CATSPERB: variants seen among roughly 807,000 people sequenced by gnomAD.
The protein encoded by CATSPERB is cation channel sperm-associated auxiliary subunit beta.
Under a neutral mutation model 128.3 loss-of-function variants are expected in CATSPERB, and 93 were observed. That is an observed-to-expected ratio of 0.72 (90% CI 0.61 to 0.86). The LOEUF (loss-of-function observed/expected upper bound fraction) is 0.86, where lower values mean the gene tolerates loss of function less well. CATSPERB is among the 40% of genes least tolerant of loss of function. The pLI is 0.00. For synonymous variants in CATSPERB, 381 were observed against 448.8 expected, an observed-to-expected ratio of 0.85 and a Z score of 1.91; for missense variants, 1,153 against 1,329.5, an observed-to-expected ratio of 0.87 and a Z score of 2.06.
At chr14:91,663,825 T>A (rs1894930854) in intron 14 of CATSPERB, among the ~76,000 whole-genome samples, 1 of 152,178 alleles carries the variant, frequency 6.6e-6, no homozygotes, top group Non-Finnish European at 1.5e-5. Context: ...TTATCCATTA[T>A]TAAGCATACA....
chr14:91,689,337 G>A (rs986047948), intron 10 of CATSPERB, among the ~76,000 whole-genome samples: 1 of 152,160 alleles, frequency 6.6e-6, no homozygotes, highest in African/African-American at 2.4e-5. Flanking sequence ...CCATGAGTGA[G>A]GTAACGACAT....
chr14:91,584,143 A>C (rs1473159526), intron 26 of CATSPERB, among the ~76,000 whole-genome samples: 2 of 151,898 alleles, frequency 1.3e-5, no homozygotes. Context: ...ATCTTGGCTC[A>C]CTGCAATCTC....
chr14:91,599,454 G>C (rs1185574710), intron 22 of CATSPERB, among the ~76,000 whole-genome samples: 1 of 150,704 alleles, frequency 6.6e-6, no homozygotes, highest in African/African-American at 2.4e-5. Context: ...AGCTACTTGG[G>C]AGGCTGAGGC....
At chr14:91,653,154 A>AAC (rs1288940948) in intron 15 of CATSPERB, among the ~76,000 whole-genome samples, 1 of 152,236 alleles carries the variant, frequency 6.6e-6, no homozygotes, top group African/African-American at 2.4e-5. Context: ...TCAGAGACTG[A>AAC]AGATCAGAAG....
rs931010997 is a variant in CATSPERB, at chr14:91,716,817, A to G, written c.370+2601T>C. Among the ~76,000 whole-genome samples the G allele has an allele frequency of 7.2e-5, 11 of 152,170 alleles. No homozygotes were observed. In the East Asian group the frequency reaches 1.9e-3, roughly 27 times the overall value. On this transcript the variant is annotated intron_variant, in intron 5 of 26. Coordinates refer to ENST00000256343, the MANE Select transcript of CATSPERB (RefSeq NM_024764.4). ...CCTGGTGGTCAGAATGCAAAATGATAAAGCCACTTTGGGAAATCGTTTGAC... is the reference window on the plus strand; with the variant it reads ...CCTGGTGGTCAGAATGCAAAATGATGAAGCCACTTTGGGAAATCGTTTGAC...
intron 20 of CATSPERB, among the ~76,000 whole-genome samples, chr14:91,614,040 T>A (rs1743149): frequency 2.4e-4 from 36 of 152,110 alleles, no homozygotes; most frequent in Non-Finnish European, 4.1e-4. Context: ...CAGCTCTGAG[T>A]GTATTGTTGC....
intron 22 of CATSPERB, chr14:91,603,488 G>T: frequency 1.7e-6 from 2 of 1,189,714 alleles, no homozygotes; most frequent in Non-Finnish European, 2.5e-6. Flanking sequence ...GTCTTAAAGT[G>T]TGGGCAAAAC....
chr14:91,623,310 C>G (rs1894090741), intron 18 of CATSPERB, among the ~76,000 whole-genome samples: 1 of 152,120 alleles, frequency 6.6e-6, no homozygotes, highest in Non-Finnish European at 1.5e-5. Context: ...AAACACCTTC[C>G]TCACCTGGTT....
At chr14:91,621,494 T>A in intron 19 of CATSPERB, 114 bp downstream of exon 19, 1 of 791,810 alleles carries the variant, frequency 1.3e-6, no homozygotes, top group Non-Finnish European at 2.0e-6. Flanking sequence ...AGTAGTAGAA[T>A]GCCAACAAGT....
chr14:91,610,405 T>G, intron 21 of CATSPERB, 75 bp downstream of exon 21: 1 of 1,187,798 alleles, frequency 8.4e-7, no homozygotes, highest in Non-Finnish European at 1.2e-6. Context: ...ATGCTGAAAC[T>G]GAATGGGTAG....
Position 91,669,992 on chromosome 14 carries a change from G to A in CATSPERB, c.1129-20C>T, listed in dbSNP as rs369432265. 302 of 1,606,674 alleles carry A rather than the reference G, an allele frequency of 1.9e-4. No homozygotes were observed. The highest frequency in any genetic ancestry group is 2.4e-4 in the Non-Finnish European group (283 of 1,176,932). ...CCTGACCTAGGTAAACAAAGAATGA[G>A]CAAGTCATAAGACTAGTCTGTGTTA... On this transcript the variant is annotated intron_variant, in intron 13 of 26. Transcript: ENST00000256343.
At chr14:91,717,437 T>C (rs143511847) in intron 5 of CATSPERB, among the ~76,000 whole-genome samples, 1 of 152,342 alleles carries the variant, frequency 6.6e-6, no homozygotes, top group Non-Finnish European at 1.5e-5. Flanking sequence ...TCAACAATTA[T>C]ATGTAGTTCA....
intron 4 of CATSPERB, 75 bp downstream of exon 4, chr14:91,722,974 T>C (rs571487576): frequency 1.2e-5 from 14 of 1,185,142 alleles, no homozygotes; most frequent in Non-Finnish European, 1.4e-5. Context: ...ACCTATTTTT[T>C]AAAAAATACA....
intron 12 of CATSPERB, 118 bp from the exon 13 acceptor site, chr14:91,673,134 A>G: frequency 1.1e-6 from 1 of 933,600 alleles, no homozygotes; most frequent in Non-Finnish European, 1.5e-6. Flanking sequence ...GAACAAACAT[A>G]GAAATTAACC....
At chr14:91,618,843 C>G (rs1302859488) in intron 19 of CATSPERB, among the ~76,000 whole-genome samples, 1 of 152,174 alleles carries the variant, frequency 6.6e-6, no homozygotes, top group Non-Finnish European at 1.5e-5. Context: ...TGCTTCCTAG[C>G]CTTTACCCGG....
At chr14:91,623,786 C>A (rs1648007437) in intron 18 of CATSPERB, among the ~76,000 whole-genome samples, 1 of 152,154 alleles carries the variant, frequency 6.6e-6, no homozygotes, top group Admixed American at 6.5e-5. Flanking sequence ...CCAGTGGCTT[C>A]CCGTTTAGTC....
intron 13 of CATSPERB, among the ~76,000 whole-genome samples, chr14:91,671,086 C>A (rs1056632611): frequency 7.9e-5 from 12 of 152,216 alleles, no homozygotes; most frequent in Non-Finnish European, 1.3e-4. Flanking sequence ...AACTTTGGAG[C>A]CTTTTGTGTC....
chr14:91,659,935 T>C lies in CATSPERB; in HGVS notation c.1334A>G (p.Asn445Ser). ...CTTCTTTATGATATCATCATGAAAG[T>C]TAGCTATTAATTGAAAGGTGTTGCC... ...DGGNTFQLIA[N>S]FHDDIIKKTF... The change falls in exon 15 of 27, where the codon AAC becomes AGC. Residue 445 changes from asparagine (N) to serine (S), a missense_variant. Coordinates refer to ENST00000256343, the MANE Select transcript of CATSPERB (RefSeq NM_024764.4). 2 of 1,603,512 alleles carry C rather than the reference T, an allele frequency of 1.2e-6. No homozygotes were observed. Among genetic ancestry groups the C allele is most frequent in the Non-Finnish European group, 8.5e-7 (1 of 1,177,004 alleles).
At chr14:91,593,575 G>A (rs1425996815) in intron 22 of CATSPERB, among the ~76,000 whole-genome samples, 1 of 152,180 alleles carries the variant, frequency 6.6e-6, no homozygotes, top group East Asian at 1.9e-4. Flanking sequence ...CATTTGGAAT[G>A]GCTGTATTTA....
Sources: gnomAD v4.1 joint callset for allele counts (sites outside exome capture counted in the v4.1 genomes callset) on GRCh38, gnomAD v4.1.1 for gene constraint, MANE v1.5 for transcripts, NCBI Gene and HGNC (gene_info 2026-07-23, HGNC 2026-07-21) for gene names.